SPEF2: variants seen among roughly 807,000 people sequenced by gnomAD.
SPEF2 encodes the protein sperm flagella and cilia-associated protein 2.
Under a neutral mutation model 224.6 loss-of-function variants are expected in SPEF2, and 187 were observed. The ratio of observed to expected loss-of-function variants is 0.83; its 90% CI spans 0.74 to 0.94. The LOEUF is 0.94. SPEF2 is among the 40% of genes least tolerant of loss of function. The pLI is 0.00. For missense variants in SPEF2, 2,170 were observed against 2,135.6 expected, an observed-to-expected ratio of 1.02 and a Z score of -0.32; for synonymous variants, 715 against 707.3, an observed-to-expected ratio of 1.01 and a Z score of -0.17.
chr5:35,758,941 G>A (rs531287356), intron 24 of SPEF2, among the ~76,000 whole-genome samples: 5 of 129,364 alleles, frequency 3.9e-5, no homozygotes, highest in African/African-American at 1.4e-4. Context: ...AGGAGGTGGA[G>A]GTTGCAATGA....
In SPEF2 at chr5:35,709,141, A is replaced by C; in HGVS notation, c.2839+20A>C. The C allele has an allele frequency of 6.2e-7, 1 of 1,602,500 alleles. No individual in the cohort carries two copies. The highest frequency in any genetic ancestry group is 8.5e-7 in the Non-Finnish European group (1 of 1,177,578). ...AATCAGGTGATTGACAGAATGATTT[A>C]TAATCCTGTTTTCAGTTTCTTATTT... On this transcript the variant is annotated intron_variant, in intron 19 of 36. Transcript: ENST00000356031.
intron 24 of SPEF2, among the ~76,000 whole-genome samples, chr5:35,755,478 C>G (rs1561312622): frequency 6.6e-6 from 1 of 152,112 alleles, no homozygotes; most frequent in Non-Finnish European, 1.5e-5. Context: ...AGATAGAGGA[C>G]TTTTATCTTG....
At chr5:35,768,428 G>A (rs1048041602) in intron 26 of SPEF2, among the ~76,000 whole-genome samples, 1 of 152,110 alleles carries the variant, frequency 6.6e-6, no homozygotes, top group African/African-American at 2.4e-5. Flanking sequence ...TATGTTCTTA[G>A]AAAGGGAGGA....
At chr5:35,788,428 A>G in intron 30 of SPEF2, 1 of 702,634 alleles carries the variant, frequency 1.4e-6, no homozygotes, top group South Asian at 1.5e-5. Context: ...TAAGAGAGAA[A>G]TTAGAAAAAA....
intron 26 of SPEF2, 109 bp downstream of exon 26, chr5:35,763,811 A>C: frequency 1.9e-6 from 2 of 1,044,152 alleles, no homozygotes; most frequent in East Asian, 5.3e-5. Context: ...AGCACTGTAG[A>C]AAATTGTACC....
chr5:35,785,640 C>T (rs972883634), intron 30 of SPEF2, among the ~76,000 whole-genome samples: 1 of 151,584 alleles, frequency 6.6e-6, no homozygotes, highest in Admixed American at 6.6e-5. Flanking sequence ...AGCACAACCC[C>T]CCCCCACCTC....
chr5:35,659,051 G>C lies in SPEF2; in HGVS notation c.1011G>C (p.Arg337=). Residue 337 remains arginine (R), a synonymous_variant, in exon 8 of 37, where the codon CGG becomes CGC. Transcript: ENST00000356031. Reference sequence around the variant, plus strand: ...ATCGGGAGGAACAGCTGATTAACCGGCTGATGCGGCAGTCCCAGCAGGAGC... The same window carrying C: ...ATCGGGAGGAACAGCTGATTAACCGCCTGATGCGGCAGTCCCAGCAGGAGC... ...EAYREEQLIN[R]LMRQSQQERR... 1 of 1,583,840 alleles carries C rather than the reference G, an allele frequency of 6.3e-7. No individual in the cohort carries two copies. The highest frequency in any genetic ancestry group is 8.6e-7 in the Non-Finnish European group (1 of 1,161,566).
At chr5:35,724,226 T>C (rs1004533627) in intron 20 of SPEF2, among the ~76,000 whole-genome samples, 1 of 152,178 alleles carries the variant, frequency 6.6e-6, no homozygotes, top group African/African-American at 2.4e-5. Flanking sequence ...GAGAATATTA[T>C]CTACCCTCCC....
At position 35,709,121 on chromosome 5, in the gene SPEF2, G is replaced by A. The variant is rs1193385919; in HGVS notation, c.2839G>A (p.Glu947Lys). The part of the protein sequence containing the change: ...TPTAKGKPQS[E>K]APHGKQESLQ... ...TACTGCAAAAGGAAAACCTCAATCA[G>A]GTGATTGACAGAATGATTTATAATC... Residue 947 changes from glutamate to lysine, a missense_variant and splice_region_variant, in exon 19 of 37, where the codon GAA becomes AAA. Transcript: ENST00000356031. The A allele has an allele frequency of 1.2e-6, 2 of 1,607,816 alleles. No homozygotes were observed. The highest frequency in any genetic ancestry group is 2.2e-5 in the South Asian group (2 of 89,502).
chr5:35,789,122 A>G (rs1259168212), intron 30 of SPEF2: 4 of 696,736 alleles, frequency 5.7e-6, no homozygotes, highest in East Asian at 2.7e-5. Context: ...ATTTTGGGAA[A>G]GATAACCACT....
At chr5:35,618,683 C>G (rs1041771579) in intron 1 of SPEF2, among the ~76,000 whole-genome samples, 1 of 152,056 alleles carries the variant, frequency 6.6e-6, no homozygotes, top group Admixed American at 6.6e-5. Flanking sequence ...CACAAACTAG[C>G]TATTTCTGGT....
At chr5:35,752,215 C>T (rs1454828664) in intron 23 of SPEF2, among the ~76,000 whole-genome samples, 4 of 152,084 alleles carry the variant, frequency 2.6e-5, no homozygotes, top group South Asian at 4.2e-4. Context: ...GGTACCACCT[C>T]GCGGCCCAAG....
chr5:35,788,817 T>G (rs900780299), intron 30 of SPEF2: 1 of 702,808 alleles, frequency 1.4e-6, no homozygotes, highest in Non-Finnish European at 2.6e-6. Context: ...AACATTCCTC[T>G]GTACAATGAT....
intron 15 of SPEF2, chr5:35,698,213 A>G (rs2149553539): frequency 6.3e-6 from 1 of 159,770 alleles, no homozygotes; most frequent in South Asian, 1.8e-4. Context: ...AAAGAGCTGC[A>G]GACAACTTAG....
At chr5:35,786,223 G>C (rs1195762914) in intron 30 of SPEF2, among the ~76,000 whole-genome samples, 1 of 152,220 alleles carries the variant, frequency 6.6e-6, no homozygotes, top group Non-Finnish European at 1.5e-5. Context: ...ACGGAAGATT[G>C]ACAAGTAGCC....
chr5:35,701,584 G>A (rs1738651939), intron 16 of SPEF2, among the ~76,000 whole-genome samples: 1 of 152,088 alleles, frequency 6.6e-6, no homozygotes, highest in African/African-American at 2.4e-5. Flanking sequence ...TGGACCCTTG[G>A]GGGTACCTGA....
chr5:35,769,530 A>C (rs1242753180), intron 26 of SPEF2, among the ~76,000 whole-genome samples: 1 of 152,172 alleles, frequency 6.6e-6, no homozygotes. Context: ...GTGGAATATG[A>C]TTCTTTTGAA....
At chr5:35,642,789 C>T (rs78875137) in intron 3 of SPEF2, among the ~76,000 whole-genome samples, 83 of 152,202 alleles carry the variant, frequency 5.5e-4, no homozygotes, top group Middle Eastern at 6.8e-3. Flanking sequence ...GCAGCAATGA[C>T]GTAATAGATA....
At chr5:35,710,782 T>G in intron 19 of SPEF2, 1 of 985,382 alleles carries the variant, frequency 1.0e-6, no homozygotes, top group Non-Finnish European at 1.2e-6. Flanking sequence ...TGAAGTTTGT[T>G]TGCTATTTTA....
Sources: gnomAD v4.1 joint callset for allele counts (sites outside exome capture counted in the v4.1 genomes callset) on GRCh38, gnomAD v4.1.1 for gene constraint, MANE v1.5 for transcripts, NCBI Gene and HGNC (gene_info 2026-07-23, HGNC 2026-07-21) for gene names.